TMEM30A: variants seen among roughly 807,000 people sequenced by gnomAD.
The protein encoded by TMEM30A is cell division cycle 50 P4-ATPase accessory subunit A, also known as cell cycle control protein 50A.
In TMEM30A, 24 loss-of-function variants were observed where a neutral mutation model predicts 38.2. That is an observed-to-expected ratio of 0.63 (90% CI 0.46 to 0.88). The LOEUF (loss-of-function observed/expected upper bound fraction) is 0.88, where lower values mean the gene tolerates loss of function less well. TMEM30A is among the 40% of genes least tolerant of loss of function. TMEM30A has a pLI of 0.00. For missense variants in TMEM30A, 370 were observed against 458.6 expected (o/e 0.81, Z 1.77); for synonymous variants, 145 against 161.6 (o/e 0.90, Z 0.78).
chr6:75,261,639 T>A lies in TMEM30A; in HGVS notation c.454-728A>T, dbSNP rs1018741789. Among the ~76,000 whole-genome samples, 3 of 152,048 alleles carry A rather than the reference T, an allele frequency of 2.0e-5. No homozygotes were observed. The East Asian group carries it at 5.8e-4, about 29-fold the overall frequency. ...TAGGGGTCTGTCTGAGCTGGGACCC[T>A]CCCGCCACATTAAGCCATGTCTCAA... On this transcript the variant is annotated intron_variant, in intron 3 of 6. Transcript: ENST00000230461.
At chr6:75,284,107 G>C in intron 1 of TMEM30A, 2 of 414,974 alleles carry the variant, frequency 4.8e-6, no homozygotes, top group South Asian at 2.2e-5. Context: ...ACCGCCCACT[G>C]AAGAAGCGTT....
intron 3 of TMEM30A, 135 bp downstream of exon 3, chr6:75,265,096 C>T (rs1265141236): frequency 1.1e-5 from 6 of 523,122 alleles, no homozygotes; most frequent in Admixed American, 1.1e-4. Flanking sequence ...GACTCCATCT[C>T]GGGGGGAAAA....
At chr6:75,262,383 G>A (rs750972545) in intron 3 of TMEM30A, among the ~76,000 whole-genome samples, 17 of 151,844 alleles carry the variant, frequency 1.1e-4, no homozygotes, top group Non-Finnish European at 1.9e-4. Flanking sequence ...AGTGGTTCAC[G>A]CCTGTAATCC....
Position 75,256,083 on chromosome 6 carries a change from T to G in TMEM30A, c.*19A>C, listed in dbSNP as rs1216843234. 1 of 1,561,256 alleles carries G rather than the reference T, an allele frequency of 6.4e-7. No individual in the cohort carries two copies. The highest frequency in any genetic ancestry group is 2.3e-5 in the East Asian group (1 of 43,994). On this transcript the variant is annotated 3_prime_UTR_variant, in exon 7 of 7. Transcript: ENST00000230461. ...TGGCCTTGATGCACATGCAGATGAT[T>G]TGCTTTCATAATATAAAATTAAATG...
Position 75,253,750 on chromosome 6 carries a change from T to C in TMEM30A, c.*2352A>G, listed in dbSNP as rs1408219737. On this transcript the variant is annotated 3_prime_UTR_variant, in exon 7 of 7. Coordinates refer to ENST00000230461, the MANE Select transcript of TMEM30A (RefSeq NM_018247.4). ...CTCTTCTCTTGGTTGAATGATTTTCTATTAATTAGTAGTACACAGCTATTT... is the reference window on the plus strand; with the variant it reads ...CTCTTCTCTTGGTTGAATGATTTTCCATTAATTAGTAGTACACAGCTATTT... 4 of 152,624 alleles carry C rather than the reference T, an allele frequency of 2.6e-5. No individual in the cohort carries two copies. 9.5% of individuals were successfully genotyped at this position (152,624 alleles called of 1,614,324 possible).
chr6:75,274,847 T>C (rs1187768975), intron 1 of TMEM30A, among the ~76,000 whole-genome samples: 1 of 151,972 alleles, frequency 6.6e-6, no homozygotes, highest in Non-Finnish European at 1.5e-5. Context: ...CCGTCTCTAC[T>C]AAAAATACAA....
chr6:75,263,027 GA>G (rs1382320829), intron 3 of TMEM30A, among the ~76,000 whole-genome samples: 1 of 152,240 alleles, frequency 6.6e-6, no homozygotes, highest in Non-Finnish European at 1.5e-5. Context: ...TAAGTGTTAT[GA>G]AGAGGCTATG....
intron 1 of TMEM30A, among the ~76,000 whole-genome samples, chr6:75,270,025 T>C (rs980619788): frequency 6.6e-6 from 1 of 151,922 alleles, no homozygotes; most frequent in South Asian, 2.1e-4. Context: ...ATTTTGGTCT[T>C]GATCTCCTGA....
At chr6:75,260,355 G>A (rs954556617) in intron 4 of TMEM30A, among the ~76,000 whole-genome samples, 2 of 151,810 alleles carry the variant, frequency 1.3e-5, no homozygotes, top group Admixed American at 6.6e-5. Flanking sequence ...GCAGTGAGCC[G>A]ACGTCGCGCC....
At chr6:75,263,460 T>G (rs1468902089) in intron 3 of TMEM30A, among the ~76,000 whole-genome samples, 1 of 152,200 alleles carries the variant, frequency 6.6e-6, no homozygotes, top group Non-Finnish European at 1.5e-5. Flanking sequence ...GAGACACAAT[T>G]TGTTCATCCA....
chr6:75,283,783 C>T (rs1772401980), intron 1 of TMEM30A, among the ~76,000 whole-genome samples: 1 of 152,160 alleles, frequency 6.6e-6, no homozygotes, highest in African/African-American at 2.4e-5. Context: ...TCTTGCCCTA[C>T]AACTAAAAAT....
At chr6:75,262,900 G>C (rs147966974) in intron 3 of TMEM30A, among the ~76,000 whole-genome samples, 3 of 152,212 alleles carry the variant, frequency 2.0e-5, no homozygotes, top group African/African-American at 4.8e-5. Flanking sequence ...GTGCAAGCAC[G>C]AGCCAGGCAC....
intron 1 of TMEM30A, among the ~76,000 whole-genome samples, chr6:75,268,773 T>C (rs1044825371): frequency 2.6e-4 from 39 of 152,142 alleles, no homozygotes; most frequent in Non-Finnish European, 4.0e-4. Flanking sequence ...TCCCTGGATT[T>C]GGAGCCAGTT....
chr6:75,259,176 T>A (rs531249534), intron 5 of TMEM30A, among the ~76,000 whole-genome samples, 171 bp downstream of exon 5: 59 of 152,196 alleles, frequency 3.9e-4, no homozygotes, highest in Non-Finnish European at 7.8e-4. Context: ...AAAGTATACA[T>A]TTCCTTTAGA....
Position 75,258,859 on chromosome 6 carries a change from C to T in TMEM30A, c.813G>A (p.Lys271=), listed in dbSNP as rs751535051. The stretch of plus-strand genomic sequence containing the variant: ...TTTTCCTTTCTATAAGACGATACAA[C>T]TTGCGAAAAGTAGGTAATGCTGCAG... ...MRTAALPTFR[K]LYRLIERKSD... is the part of the protein sequence containing the mutation. The change falls in exon 6 of 7, where the codon AAG becomes AAA. Residue 271 remains lysine, a synonymous_variant. Transcript: ENST00000230461. The T allele has an allele frequency of 1.9e-6, 3 of 1,613,954 alleles. No homozygotes were observed. Among genetic ancestry groups the T allele is most frequent in the Non-Finnish European group, 2.5e-6 (3 of 1,179,912 alleles).
intron 1 of TMEM30A, among the ~76,000 whole-genome samples, chr6:75,283,864 G>A (rs1772407075): frequency 1.3e-5 from 2 of 152,102 alleles, no homozygotes; most frequent in Admixed American, 6.5e-5. Flanking sequence ...CTGATAACAT[G>A]CGACAGCTTC....
intron 3 of TMEM30A, among the ~76,000 whole-genome samples, chr6:75,261,783 T>C (rs992002776): frequency 6.6e-6 from 1 of 152,174 alleles, no homozygotes; most frequent in Non-Finnish European, 1.5e-5. Context: ...CATGTCTAGA[T>C]TGGATAAAAG....
chr6:75,265,193 T>G, intron 3 of TMEM30A, 38 bp downstream of exon 3: 1 of 1,254,568 alleles, frequency 8.0e-7, no homozygotes, highest in East Asian at 2.5e-5. Flanking sequence ...ATTCTTATTT[T>G]ACAGATATCA....
chr6:75,256,144 A>G lies in TMEM30A; in HGVS notation c.1044T>C (p.His348=), dbSNP rs1392070856. 1 of 1,612,274 alleles carries G rather than the reference A, an allele frequency of 6.2e-7. No individual in the cohort carries two copies. Among genetic ancestry groups the G allele is most frequent in the Admixed American group, 1.7e-5 (1 of 59,932 alleles). The change falls in exon 7 of 7, where the codon CAT becomes CAC. Residue 348 remains histidine, a synonymous_variant. Transcript: ENST00000230461. ...LLGVVLLVIN[H]KYRNSSNTAD... ...CTGTATTACTACTGTTTCTATATTT[A>G]TGATTAATTACTAGCAGTACAACTC... is the stretch of plus-strand genomic sequence containing the variant.
Sources: gnomAD v4.1 joint callset for allele counts (sites outside exome capture counted in the v4.1 genomes callset) on GRCh38, gnomAD v4.1.1 for gene constraint, MANE v1.5 for transcripts, NCBI Gene and HGNC (gene_info 2026-07-23, HGNC 2026-07-21) for gene names.